CDH13: variants seen among roughly 807,000 people sequenced by gnomAD.
CDH13 encodes cadherin-13.
A neutral mutation model predicts 63.8 loss-of-function variants in CDH13; 24 were observed. That is an observed-to-expected ratio of 0.38 (90% confidence interval 0.27 to 0.53). The LOEUF (loss-of-function observed/expected upper bound fraction) is 0.53, where lower values mean the gene tolerates loss of function less well. Ranked by LOEUF, CDH13 falls within the 20% of genes least tolerant of loss-of-function variation. The probability of loss-of-function intolerance (pLI) is 0.85; values close to 1 mark genes in which losing one functional copy is unlikely to be tolerated. For missense variants in CDH13, 1,049 were observed against 903.1 expected, an observed-to-expected ratio of 1.16 and a Z score of -2.07; for synonymous variants, 503 against 355.3, an observed-to-expected ratio of 1.42 and a Z score of -4.67.
chr16:83,428,397 C>T (rs1240383473), intron 6 of CDH13, among the ~76,000 whole-genome samples: 2 of 151,582 alleles, frequency 1.3e-5, no homozygotes, highest in Admixed American at 6.6e-5. Flanking sequence ...CCAATATTTT[C>T]CTGAGTTGAT....
At chr16:83,646,899 C>T (rs1261770594) in intron 8 of CDH13, among the ~76,000 whole-genome samples, 2 of 152,014 alleles carry the variant, frequency 1.3e-5, no homozygotes, top group African/African-American at 4.8e-5. Context: ...CCTTCACCTG[C>T]TAATGAGGCC....
intron 8 of CDH13, among the ~76,000 whole-genome samples, chr16:83,613,570 C>G (rs566051047): frequency 3.3e-5 from 5 of 152,320 alleles, no homozygotes; most frequent in African/African-American, 9.6e-5. Flanking sequence ...CGGTGGCTCA[C>G]GCCTGTAATA....
rs775527967 is a variant in CDH13 at position 82,627,031 on chromosome 16, A to G, written c.-62A>G. ...CCTCAAAGCCTGGCTCCCACGGAAA[A>G]TATGCTCAGTGCAGCCGCGTGCATG... is the stretch of plus-strand genomic sequence containing the variant. On this transcript the variant is annotated 5_prime_UTR_variant, in exon 1 of 14. Coordinates refer to ENST00000567109, the MANE Select transcript of CDH13 (RefSeq NM_001257.5). 13 of 1,555,594 alleles carry G rather than the reference A, an allele frequency of 8.4e-6. No individual in the cohort carries two copies. Among genetic ancestry groups the G allele is most frequent in the African/African-American group, 1.4e-5 (1 of 73,288 alleles).
intron 8 of CDH13, among the ~76,000 whole-genome samples, chr16:83,619,751 C>G (rs989169757): frequency 6.6e-6 from 1 of 152,230 alleles, no homozygotes; most frequent in Admixed American, 6.5e-5. Context: ...ATAGTAGCCT[C>G]GCTGTAACTT....
intron 10 of CDH13, among the ~76,000 whole-genome samples, chr16:83,728,347 G>GTGTGTGTGTGTGTA (rs1337492382): frequency 6.2e-4 from 93 of 149,766 alleles, no homozygotes; most frequent in African/African-American, 2.2e-3. Context: ...GTGTGCGTGT[G>GTGTGTGTGTGTGTA]TGTGTGTGTG....
rs563067582 is a variant in CDH13 at position 82,984,352 on chromosome 16, G to A, written c.158-47658G>A. On this transcript the variant is annotated intron_variant, in intron 2 of 13. Coordinates refer to ENST00000567109, the MANE Select transcript of CDH13 (RefSeq NM_001257.5). ...TGTGCTATCAGAAGTTGAATTGCTTGTTTCAATGTGTTTAAGACAATGTAC... is the reference window on the plus strand; with the variant it reads ...TGTGCTATCAGAAGTTGAATTGCTTATTTCAATGTGTTTAAGACAATGTAC... 3.3e-5 allele frequency among the ~76,000 whole-genome samples: 5 copies of A among 152,286 alleles called. No individual in the cohort carries two copies. In the South Asian group the frequency reaches 8.3e-4, roughly 25 times the overall value.
chr16:82,770,493 C>G (rs764630656), intron 1 of CDH13, among the ~76,000 whole-genome samples: 2 of 152,028 alleles, frequency 1.3e-5, no homozygotes, highest in Admixed American at 6.6e-5. Context: ...TTTGACTCAT[C>G]AAAAATCATA....
chr16:82,794,645 C>T (rs752859962), intron 1 of CDH13, among the ~76,000 whole-genome samples: 1 of 152,142 alleles, frequency 6.6e-6, no homozygotes, highest in Non-Finnish European at 1.5e-5. Flanking sequence ...AGCTTAATTT[C>T]TCTTTGACTG....
At chr16:83,580,801 C>G (rs1269745326) in intron 7 of CDH13, among the ~76,000 whole-genome samples, 1 of 152,068 alleles carries the variant, frequency 6.6e-6, no homozygotes, top group African/African-American at 2.4e-5. Flanking sequence ...CTGTTCATTT[C>G]TAGTAAGTCC....
intron 3 of CDH13, among the ~76,000 whole-genome samples, chr16:83,115,987 G>T (rs2035276028): frequency 1.3e-5 from 2 of 152,228 alleles, no homozygotes; most frequent in African/African-American, 4.8e-5. Flanking sequence ...GTCTGGCCTT[G>T]TGTTCAGGTG....
chr16:83,764,887 T>C (rs1914261833), intron 11 of CDH13, among the ~76,000 whole-genome samples: 1 of 152,234 alleles, frequency 6.6e-6, no homozygotes, highest in African/African-American at 2.4e-5. Context: ...TGCGTCTGCA[T>C]CCTCTGCTTT....
intron 2 of CDH13, among the ~76,000 whole-genome samples, chr16:82,900,099 A>G (rs2041412277): frequency 6.6e-6 from 1 of 152,260 alleles, no homozygotes. Flanking sequence ...TTCCAAATAT[A>G]CCATGTTCCT....
chr16:83,741,580 C>G (rs1384695986), intron 10 of CDH13, among the ~76,000 whole-genome samples: 1 of 151,794 alleles, frequency 6.6e-6, no homozygotes, highest in Non-Finnish European at 1.5e-5. Flanking sequence ...ATTACTATAT[C>G]TATAATCTCC....
At chr16:83,111,653 C>T (rs191559109) in intron 3 of CDH13, among the ~76,000 whole-genome samples, 1 of 152,144 alleles carries the variant, frequency 6.6e-6, no homozygotes, top group South Asian at 2.1e-4. Context: ...GGTCAGAGCA[C>T]TCAGGCATTG....
At chr16:83,084,432 T>A (rs2033450003) in intron 3 of CDH13, among the ~76,000 whole-genome samples, 1 of 152,222 alleles carries the variant, frequency 6.6e-6, no homozygotes, top group South Asian at 2.1e-4. Context: ...CCTCCTATTG[T>A]CAGAGCATCT....
intron 3 of CDH13, among the ~76,000 whole-genome samples, chr16:83,064,035 C>T (rs947981038): frequency 6.6e-5 from 10 of 152,136 alleles, no homozygotes; most frequent in Non-Finnish European, 1.3e-4. Context: ...ATGAGTCTCA[C>T]ATTTCAGAGC....
At chr16:83,517,532 A>G (rs2074725979) in intron 7 of CDH13, among the ~76,000 whole-genome samples, 3 of 148,182 alleles carry the variant, frequency 2.0e-5, no homozygotes, top group East Asian at 2.1e-4. Context: ...TATCAAAAGC[A>G]GCCCTTAAAT....
chr16:83,659,400 C>A (rs895548787), intron 8 of CDH13, among the ~76,000 whole-genome samples: 1 of 152,072 alleles, frequency 6.6e-6, no homozygotes, highest in African/African-American at 2.4e-5. Context: ...GTCCTCAACA[C>A]CAGGTCCCAT....
At chr16:83,107,095 A>G (rs369902365) in intron 3 of CDH13, among the ~76,000 whole-genome samples, 5 of 152,338 alleles carry the variant, frequency 3.3e-5, no homozygotes, top group African/African-American at 1.2e-4. Flanking sequence ...GGTGGATTGA[A>G]GAGAGTCAAA....
Sources: allele counts gnomAD v4.1 joint callset (sites outside exome capture counted in the v4.1 genomes callset), GRCh38; gene constraint gnomAD v4.1.1; transcripts MANE v1.5; gene names NCBI Gene and HGNC (gene_info 2026-07-23, HGNC 2026-07-21).